HIVEP3: variants seen among roughly 807,000 people sequenced by gnomAD.
HIVEP3 encodes transcription factor HIVEP3.
A neutral mutation model predicts 152.8 loss-of-function variants in HIVEP3; 49 were observed. The observed-to-expected ratio is 0.32, with a 90% CI of 0.26 to 0.41. The LOEUF is 0.41. HIVEP3 is among the 10% of genes least tolerant of loss of function. The pLI, the probability that HIVEP3 is intolerant of heterozygous loss-of-function variation, is 1.00. For synonymous variants in HIVEP3, 1,269 were observed against 1,289.0 expected (o/e 0.98, Z 0.33); for missense variants, 2,790 against 3,103.3 (o/e 0.90, Z 2.40).
chr1:41,889,845 T>G (rs564716158), intron 1 of HIVEP3, among the ~76,000 whole-genome samples: 8 of 152,264 alleles, frequency 5.3e-5, no homozygotes, highest in Non-Finnish European at 1.2e-4. Flanking sequence ...ATCACTCCCA[T>G]CTAATCCTCA....
At chr1:42,035,617 G>A (rs1412598722) in intron 1 of HIVEP3, among the ~76,000 whole-genome samples, 2 of 152,034 alleles carry the variant, frequency 1.3e-5, no homozygotes, top group African/African-American at 4.8e-5. Flanking sequence ...GCCAGACGGG[G>A]GACCCCAGCT....
intron 1 of HIVEP3, among the ~76,000 whole-genome samples, chr1:41,780,595 G>C (rs780268986): frequency 6.6e-6 from 1 of 152,192 alleles, no homozygotes; most frequent in South Asian, 2.1e-4. Flanking sequence ...GGAGGCTCTG[G>C]GGAAAGGATA....
intron 2 of HIVEP3, among the ~76,000 whole-genome samples, chr1:41,632,943 T>C (rs997253473): frequency 1.3e-5 from 2 of 151,878 alleles, no homozygotes; most frequent in African/African-American, 4.8e-5. Context: ...GTGGTGGTGC[T>C]GTGAAGTGAG....
intron 1 of HIVEP3, among the ~76,000 whole-genome samples, chr1:41,815,780 G>A (rs943194611): frequency 6.7e-6 from 1 of 149,166 alleles, no homozygotes; most frequent in Non-Finnish European, 1.5e-5. Flanking sequence ...TGTTGTTGTT[G>A]TTTTTTGAGA....
intron 3 of HIVEP3, among the ~76,000 whole-genome samples, chr1:41,610,802 GACA>G (rs1644886212): frequency 6.6e-6 from 1 of 152,172 alleles, no homozygotes; most frequent in African/African-American, 2.4e-5. Flanking sequence ...TTCCTTTTTT[GACA>G]ACATCTGAGC....
intron 1 of HIVEP3, among the ~76,000 whole-genome samples, chr1:41,859,159 G>A (rs1045179566): frequency 6.6e-6 from 1 of 152,168 alleles, no homozygotes; most frequent in South Asian, 2.1e-4. Flanking sequence ...ACAAATGACT[G>A]CCCCTAGGGT....
At chr1:41,716,348 C>T (rs927565959) in intron 1 of HIVEP3, among the ~76,000 whole-genome samples, 20 of 152,148 alleles carry the variant, frequency 1.3e-4, no homozygotes, top group Non-Finnish European at 2.4e-4. Context: ...GTGGCCATGT[C>T]CATTACCTCA....
rs774448447 is a variant in HIVEP3 at position 41,581,670 on chromosome 1, C to T, written c.3128G>A (p.Cys1043Tyr). Residue 1043 changes from cysteine (C) to tyrosine (Y), a missense_variant, in exon 4 of 9, where the codon TGC becomes TAC. Transcript: ENST00000372583. This position sits in a 1 kb window ranked among gnomAD's most constrained non-coding sequence, Gnocchi z 4.5. The stretch of plus-strand genomic sequence containing the variant: ...CAGAGAGGCCTGTCTCACCAAGAAG[C>T]ATTTTCTTCTCTCTGGCGGGGCCAC... ...ARVAPPERRK[C>Y]FLVRQASLSR... 4 of 1,614,156 alleles carry T rather than the reference C, an allele frequency of 2.5e-6. No individual in the cohort carries two copies. The highest frequency in any genetic ancestry group is 2.2e-5 in the South Asian group (2 of 91,066).
intron 2 of HIVEP3, among the ~76,000 whole-genome samples, chr1:41,630,954 C>T (rs371911500): frequency 3.0e-4 from 45 of 152,272 alleles, no homozygotes; most frequent in African/African-American, 1.0e-3. Context: ...CAAAATAAAA[C>T]AGGCCAAGAG....
At chr1:41,974,486 T>TACACACAC (rs66882363) in intron 1 of HIVEP3, among the ~76,000 whole-genome samples, 35,916 of 133,878 alleles carry the variant, frequency 0.27, 5,195 homozygotes, top group East Asian at 0.47. Flanking sequence ...CTCCACCCCC[T>TACACACAC]ACACACACAC....
Position 41,918,012 on chromosome 1 carries a change from G to T in HIVEP3, c.-801+401C>A, listed in dbSNP as rs1426985922. ...GCGATGCCTAAGCCCCCCAGCCGAGGCTCCTATGGAGCCGGCCGCCAGTGC... is the reference window on the plus strand; with the variant it reads ...GCGATGCCTAAGCCCCCCAGCCGAGTCTCCTATGGAGCCGGCCGCCAGTGC... On this transcript the variant is annotated intron_variant, in intron 1 of 8. Transcript: ENST00000372583. The surrounding 1 kb of genome is among the most constrained non-coding windows in gnomAD (Gnocchi z 4.3). 1.3e-5 allele frequency among the ~76,000 whole-genome samples: 2 copies of T among 152,228 alleles called. No individual in the cohort carries two copies. Among genetic ancestry groups the T allele is most frequent in the Non-Finnish European group, 1.5e-5 (1 of 68,030 alleles).
chr1:42,031,583 C>T (rs1037290024), intron 1 of HIVEP3, among the ~76,000 whole-genome samples: 5 of 152,132 alleles, frequency 3.3e-5, no homozygotes, highest in Admixed American at 6.5e-5. Flanking sequence ...CAAACACCAC[C>T]GCAACTTTTG....
rs1276366295 is a variant in HIVEP3, at chr1:41,679,221, A to G, written c.-721+21695T>C. ...CCCTACTCTTTTTGACATGCGTCCA[A>G]TTCTGGTGGCTCAAGTTTTCATGAT... On this transcript the variant is annotated intron_variant, in intron 2 of 8. Transcript: ENST00000372583. Among the ~76,000 whole-genome samples, 3 of 152,174 alleles carry G rather than the reference A, an allele frequency of 2.0e-5. No homozygotes were observed. The East Asian group carries it at 5.8e-4, about 29-fold the overall frequency.
chr1:42,003,786 CAA>C (rs112079993), intron 1 of HIVEP3, among the ~76,000 whole-genome samples: 116 of 103,882 alleles, frequency 1.1e-3, no homozygotes, highest in Middle Eastern at 5.2e-3. Context: ...CTTTTTAGGG[CAA>C]AAAAAAAAAA....
chr1:41,597,870 C>T (rs1427607343), intron 3 of HIVEP3, among the ~76,000 whole-genome samples: 8 of 152,218 alleles, frequency 5.3e-5, no homozygotes, highest in Non-Finnish European at 8.8e-5. Context: ...TACAGCCTTA[C>T]CTCACCTACA....
chr1:41,579,509 C>T (rs1644367879), intron 4 of HIVEP3, among the ~76,000 whole-genome samples: 1 of 152,158 alleles, frequency 6.6e-6, no homozygotes, highest in South Asian at 2.1e-4. Flanking sequence ...CACTTTATGG[C>T]TAACTTTATT....
At chr1:42,007,431 C>T (rs1490337713) in intron 1 of HIVEP3, among the ~76,000 whole-genome samples, 8 of 152,208 alleles carry the variant, frequency 5.3e-5, no homozygotes. Flanking sequence ...GGAACACCAG[C>T]TTTACCAAGC....
chr1:41,883,755 A>T (rs1644299070), intron 1 of HIVEP3, among the ~76,000 whole-genome samples: 1 of 152,044 alleles, frequency 6.6e-6, no homozygotes, highest in African/African-American at 2.4e-5. Flanking sequence ...TATTTCTCAC[A>T]ACTTTGCTGC....
chr1:41,571,141 C>T (rs1413393420), intron 5 of HIVEP3, among the ~76,000 whole-genome samples: 1 of 152,110 alleles, frequency 6.6e-6, no homozygotes, highest in African/African-American at 2.4e-5. Context: ...ATCTCACCAT[C>T]TGAACTTATC....
Sources: gnomAD v4.1 joint callset for allele counts (sites outside exome capture counted in the v4.1 genomes callset) on GRCh38, gnomAD v4.1.1 for gene constraint, Gnocchi (gnomAD v3.1) non-coding constraint, MANE v1.5 for transcripts, NCBI Gene and HGNC (gene_info 2026-07-23, HGNC 2026-07-21) for gene names.